Variants in CLMN observed in about 807,000 individuals in gnomAD.
CLMN encodes calmin (calponin-like, transmembrane).
CLMN carries 57 observed loss-of-function variants against 92.7 expected under a neutral mutation model. The ratio of observed to expected loss-of-function variants is 0.61; its 90% CI spans 0.50 to 0.77. The LOEUF is 0.77. CLMN is among the 30% of genes least tolerant of loss of function. The probability of loss-of-function intolerance (pLI) is 0.00; values close to 1 mark genes in which losing one functional copy is unlikely to be tolerated. For synonymous variants in CLMN, 466 were observed against 470.6 expected, an observed-to-expected ratio of 0.99 and a Z score of 0.13; for missense variants, 1,158 against 1,237.5, an observed-to-expected ratio of 0.94 and a Z score of 0.96.
intron 1 of CLMN, among the ~76,000 whole-genome samples, chr14:95,287,752 G>A (rs1261745076): frequency 6.6e-6 from 1 of 152,164 alleles, no homozygotes; most frequent in East Asian, 1.9e-4. Flanking sequence ...AGATGCCCTG[G>A]GATTCTGGGT....
chr14:95,276,465 G>A (rs974550112), intron 1 of CLMN, among the ~76,000 whole-genome samples: 3 of 152,338 alleles, frequency 2.0e-5, no homozygotes, highest in South Asian at 2.1e-4. Context: ...GGGGGAACTT[G>A]GGAGCTGATG....
At chr14:95,284,482 C>G (rs1001704052) in intron 1 of CLMN, among the ~76,000 whole-genome samples, 1 of 152,184 alleles carries the variant, frequency 6.6e-6, no homozygotes, top group Non-Finnish European at 1.5e-5. Context: ...GGAAAAAACA[C>G]AGACACTCAA....
chr14:95,286,369 G>C lies in CLMN; in HGVS notation c.82+33342C>G, dbSNP rs117272548. ...ATGAACCTCAAAAACATTATGCTAAGAAGCCAGGCACAGGTTACATATTAT... is the reference window on the plus strand; with the variant it reads ...ATGAACCTCAAAAACATTATGCTAACAAGCCAGGCACAGGTTACATATTAT... On this transcript the variant is annotated intron_variant, in intron 1 of 12. Coordinates refer to ENST00000298912, the MANE Select transcript of CLMN (RefSeq NM_024734.4). 4.6e-5 allele frequency among the ~76,000 whole-genome samples: 7 copies of C among 152,332 alleles called. No homozygotes were observed. The East Asian group carries it at 1.3e-3, about 29-fold the overall frequency.
intron 1 of CLMN, among the ~76,000 whole-genome samples, chr14:95,312,785 C>T (rs1349827680): frequency 1.3e-5 from 2 of 152,160 alleles, no homozygotes; most frequent in East Asian, 3.9e-4. Flanking sequence ...CAAGATAACA[C>T]CTTAGTTCTG....
In CLMN at chr14:95,182,387, G is replaced by A. The variant is rs1257811069; in HGVS notation, c.*9177C>T. ...ATCACCACCCACTACAATATGGTCTGAACAATCTCCTGTCTCCAAGTTTAG... is the reference window on the plus strand; with the variant it reads ...ATCACCACCCACTACAATATGGTCTAAACAATCTCCTGTCTCCAAGTTTAG... On this transcript the variant is annotated 3_prime_UTR_variant, in exon 13 of 13. Coordinates refer to ENST00000298912, the MANE Select transcript of CLMN (RefSeq NM_024734.4). The A allele has an allele frequency of 6.6e-6, 1 of 152,222 alleles. No homozygotes were observed. Among genetic ancestry groups the A allele is most frequent in the Non-Finnish European group, 1.5e-5 (1 of 68,042 alleles). The allele number at this position is 152,222 out of a possible 1,614,324, so 9.4% of individuals were successfully genotyped here.
chr14:95,229,745 C>T (rs559577190), intron 2 of CLMN, among the ~76,000 whole-genome samples: 2 of 152,282 alleles, frequency 1.3e-5, no homozygotes, highest in South Asian at 4.2e-4. Flanking sequence ...GATCCCGGGT[C>T]TGGCAATCAA....
intron 2 of CLMN, among the ~76,000 whole-genome samples, chr14:95,226,031 T>C (rs1897700971): frequency 6.6e-6 from 1 of 152,282 alleles, no homozygotes; most frequent in Middle Eastern, 3.4e-3. Context: ...TAGGACACCC[T>C]ATAGGGGAGA....
chr14:95,244,791 T>C (rs994594553), intron 1 of CLMN, among the ~76,000 whole-genome samples: 4 of 151,952 alleles, frequency 2.6e-5, no homozygotes, highest in African/African-American at 9.7e-5. Context: ...GGACATATCA[T>C]ATCACTAACA....
intron 1 of CLMN, among the ~76,000 whole-genome samples, chr14:95,300,580 C>T (rs563960772): frequency 2.2e-4 from 33 of 152,336 alleles, no homozygotes; most frequent in African/African-American, 7.7e-4. Flanking sequence ...CCATGAGCCA[C>T]GCTGCTGCCT....
intron 1 of CLMN, among the ~76,000 whole-genome samples, chr14:95,239,772 C>T (rs1898181546): frequency 6.6e-6 from 1 of 152,202 alleles, no homozygotes; most frequent in African/African-American, 2.4e-5. Context: ...CATTTGAACC[C>T]AGACCCCATT....
chr14:95,214,344 CTTTTTTTTTTTT>C (rs140176893), intron 5 of CLMN, among the ~76,000 whole-genome samples: 2 of 109,336 alleles, frequency 1.8e-5, no homozygotes, highest in African/African-American at 3.6e-5. Flanking sequence ...GCTGCTGCTG[CTTTTTTTTTTTT>C]TTTTTTTTTT....
intron 1 of CLMN, among the ~76,000 whole-genome samples, chr14:95,246,561 C>T (rs1898580310): frequency 6.6e-6 from 1 of 152,192 alleles, no homozygotes; most frequent in Admixed American, 6.5e-5. Flanking sequence ...CTCCACCTCC[C>T]GGGTTCATGC....
At chr14:95,245,909 TGGATGGATGGA>T (rs1336675499) in intron 1 of CLMN, among the ~76,000 whole-genome samples, 4 of 109,482 alleles carry the variant, frequency 3.7e-5, no homozygotes, top group Non-Finnish European at 7.3e-5. Context: ...GATGAATGGA[TGGATGGATGGA>T]TGGATGGATG....
intron 1 of CLMN, among the ~76,000 whole-genome samples, chr14:95,278,386 T>C (rs931147161): frequency 1.3e-5 from 2 of 152,204 alleles, no homozygotes; most frequent in African/African-American, 4.8e-5. Context: ...AGTTTTTTCT[T>C]CTTGGTGAAC....
rs202023266 is a variant in CLMN, at chr14:95,317,167, TCTAA to T, written c.82+2540_82+2543del. 4.3e-3 allele frequency among the ~76,000 whole-genome samples: 660 copies of T among 152,256 alleles called. 4 individuals carry two copies. The highest frequency in any genetic ancestry group is 0.015 in the African/African-American group (622 of 41,552). On this transcript the variant is annotated intron_variant, in intron 1 of 12. Transcript: ENST00000298912. ...TCTGACAGCCAGTTATGGCAGATGC[TCTAA>T]CTAAGCTCGGCGTGGAGCACCTTCT... is the stretch of plus-strand genomic sequence containing the variant.
At chr14:95,261,777 G>T (rs920764688) in intron 1 of CLMN, among the ~76,000 whole-genome samples, 1 of 152,224 alleles carries the variant, frequency 6.6e-6, no homozygotes, top group Admixed American at 6.5e-5. Flanking sequence ...TGCCCATTGG[G>T]CAGTTATGCC....
intron 1 of CLMN, among the ~76,000 whole-genome samples, chr14:95,250,373 C>T (rs763163393): frequency 7.2e-5 from 11 of 152,210 alleles, no homozygotes; most frequent in Non-Finnish European, 1.3e-4. Flanking sequence ...TTTCCTGCTG[C>T]TATACATACT....
intron 1 of CLMN, among the ~76,000 whole-genome samples, chr14:95,289,978 T>C (rs1210487864): frequency 6.6e-6 from 1 of 152,210 alleles, no homozygotes; most frequent in Admixed American, 6.5e-5. Context: ...TCAAACACAA[T>C]AGCTGAAGCC....
At chr14:95,285,577 C>T (rs1033099944) in intron 1 of CLMN, among the ~76,000 whole-genome samples, 3 of 152,148 alleles carry the variant, frequency 2.0e-5, no homozygotes, top group African/African-American at 4.8e-5. Context: ...GTAGAACATG[C>T]CTTCCTCCCC....
Sources: allele counts gnomAD v4.1 joint callset (sites outside exome capture counted in the v4.1 genomes callset), GRCh38; gene constraint gnomAD v4.1.1; transcripts MANE v1.5; gene names NCBI Gene and HGNC (gene_info 2026-07-23, HGNC 2026-07-21).